Variants in CIB2 observed in about 807,000 individuals in gnomAD.
CIB2 encodes the protein calcium and integrin binding family member 2.
CIB2 carries 19 observed loss-of-function variants against 23.1 expected under a neutral mutation model. The ratio of observed to expected loss-of-function variants is 0.82; its 90% confidence interval spans 0.57 to 1.21. The LOEUF (loss-of-function observed/expected upper bound fraction) is 1.21, where lower values mean the gene tolerates loss of function less well. CIB2 is among the 50% of genes most tolerant of loss of function. The probability of loss-of-function intolerance (pLI) is 0.00; values close to 1 mark genes in which losing one functional copy is unlikely to be tolerated. For synonymous variants in CIB2, 94 were observed against 91.7 expected (o/e 1.03, Z -0.14); for missense variants, 220 against 241.5 (o/e 0.91, Z 0.59).
At chr15:78,126,140 G>C (rs1450833127) in intron 1 of CIB2, among the ~76,000 whole-genome samples, 134 of 129,816 alleles carry the variant, frequency 1.0e-3, no homozygotes, top group East Asian at 5.4e-3. Flanking sequence ...CCTTTCCCCT[G>C]CCCCCCCCCC....
At chr15:78,117,050 T>C (rs2074249926) in intron 2 of CIB2, among the ~76,000 whole-genome samples, 1 of 151,052 alleles carries the variant, frequency 6.6e-6, no homozygotes, top group South Asian at 2.1e-4. Flanking sequence ...ACAAAAGATA[T>C]AAAAATATTT....
intron 1 of CIB2, among the ~76,000 whole-genome samples, chr15:78,129,213 G>A (rs374181586): frequency 6.6e-6 from 1 of 152,120 alleles, no homozygotes. Flanking sequence ...CACTCAGCCC[G>A]GGCTGGCAAT....
intron 1 of CIB2, among the ~76,000 whole-genome samples, chr15:78,129,327 A>G (rs11857947): frequency 0.44 from 66,070 of 151,876 alleles, 14,563 homozygotes; most frequent in African/African-American, 0.52. Flanking sequence ...TCTGGCAAAG[A>G]ATCAGAACAT....
At chr15:78,122,864 G>A (rs2074337502) in intron 2 of CIB2, among the ~76,000 whole-genome samples, 1 of 152,220 alleles carries the variant, frequency 6.6e-6, no homozygotes, top group African/African-American at 2.4e-5. Flanking sequence ...AGAATGGTTA[G>A]GGCAGTGACA....
At chr15:78,122,848 A>C (rs1453126807) in intron 2 of CIB2, among the ~76,000 whole-genome samples, 1 of 152,234 alleles carries the variant, frequency 6.6e-6, no homozygotes, top group Non-Finnish European at 1.5e-5. Context: ...CACTGCCTGA[A>C]TGAGCAGAAT....
chr15:78,110,498 G>A (rs2074140923), intron 3 of CIB2, among the ~76,000 whole-genome samples: 1 of 152,182 alleles, frequency 6.6e-6, no homozygotes, highest in Admixed American at 6.5e-5. Context: ...CACATCCCAG[G>A]CCTGGCAAGG....
At chr15:78,114,217 G>C (rs1290171345) in intron 2 of CIB2, among the ~76,000 whole-genome samples, 4 of 152,334 alleles carry the variant, frequency 2.6e-5, no homozygotes, top group South Asian at 4.1e-4. Context: ...ATGGGTGCTT[G>C]GCAGGGTTGA....
At chr15:78,122,990 G>A (rs776908818) in intron 2 of CIB2, among the ~76,000 whole-genome samples, 3 of 152,230 alleles carry the variant, frequency 2.0e-5, no homozygotes. Flanking sequence ...CCCAGGCAGA[G>A]GGGCCTAGTG....
intron 1 of CIB2, among the ~76,000 whole-genome samples, chr15:78,126,997 T>G (rs1052348746): frequency 1.3e-5 from 2 of 152,150 alleles, no homozygotes; most frequent in African/African-American, 4.8e-5. Context: ...TTCAGACCCT[T>G]AGGCAAGTCA....
intron 2 of CIB2, among the ~76,000 whole-genome samples, chr15:78,122,758 G>A (rs1193579302): frequency 6.6e-6 from 1 of 152,250 alleles, no homozygotes; most frequent in Non-Finnish European, 1.5e-5. Flanking sequence ...GACTCTCTAA[G>A]GTGGTGGAAG....
At chr15:78,119,304 T>C (rs1596357946) in intron 2 of CIB2, among the ~76,000 whole-genome samples, 1 of 152,218 alleles carries the variant, frequency 6.6e-6, no homozygotes. Flanking sequence ...TAGTGTTTTA[T>C]TGTCTGTCTA....
chr15:78,123,585 C>A (rs1567058241), intron 2 of CIB2, 120 bp downstream of exon 2: 3 of 1,033,482 alleles, frequency 2.9e-6, no homozygotes, highest in East Asian at 4.7e-5. Context: ...GAATGTGGCT[C>A]CTGATACATG....
intron 2 of CIB2, among the ~76,000 whole-genome samples, chr15:78,115,643 C>T (rs1209840709): frequency 3.5e-5 from 5 of 144,598 alleles, no homozygotes; most frequent in African/African-American, 1.3e-4. Context: ...GGAGTTTCTG[C>T]TTAGGAGCAG....
At chr15:78,130,660 G>C (rs1192774707) in intron 1 of CIB2, among the ~76,000 whole-genome samples, 2 of 152,122 alleles carry the variant, frequency 1.3e-5, no homozygotes, top group African/African-American at 4.8e-5. Context: ...CAGAAGGAGC[G>C]AACCCCAGCC....
At chr15:78,114,372 C>G (rs2074207525) in intron 2 of CIB2, among the ~76,000 whole-genome samples, 1 of 152,140 alleles carries the variant, frequency 6.6e-6, no homozygotes, top group South Asian at 2.1e-4. Context: ...GAAAGAAACT[C>G]TAAGCATTGT....
Position 78,131,093 on chromosome 15 carries a change from C to T in CIB2, c.51+72G>A. 1.4e-6 allele frequency: 2 copies of T among 1,402,268 alleles called. No homozygotes were observed. Among genetic ancestry groups the T allele is most frequent in the Non-Finnish European group, 1.9e-6 (2 of 1,037,936 alleles). 86.9% of individuals were successfully genotyped at this position (1,402,268 alleles called of 1,614,324 possible). A position where few individuals can be genotyped will look rare whatever the true frequency, so the allele number is the denominator to read the frequency against. ...AGAGCTGGCTCTCGGGAGGCCTCGG[C>T]CAGCGACCGAGAAAAGGGAGGGGCG... On this transcript the variant is annotated intron_variant, in intron 1 of 5. Coordinates refer to ENST00000258930, the MANE Select transcript of CIB2 (RefSeq NM_006383.4). This position sits in a 1 kb window ranked among gnomAD's most constrained non-coding sequence, Gnocchi z 5.8.
At chr15:78,128,703 A>G (rs1464088151) in intron 1 of CIB2, among the ~76,000 whole-genome samples, 1 of 151,948 alleles carries the variant, frequency 6.6e-6, no homozygotes, top group Non-Finnish European at 1.5e-5. Flanking sequence ...TCAAAAAAAA[A>G]AAAAAGGAAG....
chr15:78,121,567 C>T (rs747227915), intron 2 of CIB2, among the ~76,000 whole-genome samples: 15 of 152,078 alleles, frequency 9.9e-5, no homozygotes, highest in Non-Finnish European at 1.8e-4. Flanking sequence ...GGGCAGTTAC[C>T]CCGAGGCTGT....
At chr15:78,112,151 G>A (rs903235820) in intron 2 of CIB2, among the ~76,000 whole-genome samples, 3 of 152,190 alleles carry the variant, frequency 2.0e-5, no homozygotes. Context: ...TCACTTGGAA[G>A]CTCCCTTCCT....
Sources: gnomAD v4.1 joint callset for allele counts (sites outside exome capture counted in the v4.1 genomes callset) on GRCh38, gnomAD v4.1.1 for gene constraint, Gnocchi (gnomAD v3.1) non-coding constraint, MANE v1.5 for transcripts, NCBI Gene and HGNC (gene_info 2026-07-23, HGNC 2026-07-21) for gene names.